The following CXADR variants were observed in gnomAD, a reference collection of about 807,000 sequenced individuals.
The protein encoded by CXADR is coxsackievirus and adenovirus receptor.
CXADR carries 20 observed loss-of-function variants against 40.3 expected under a neutral mutation model. That is an observed-to-expected ratio of 0.50 (90% confidence interval 0.35 to 0.72). The LOEUF is 0.72. CXADR is among the 30% of genes least tolerant of loss of function. The pLI is 0.01. For synonymous variants in CXADR, 150 were observed against 161.3 expected, an observed-to-expected ratio of 0.93 and a Z score of 0.53; for missense variants, 332 against 449.1, an observed-to-expected ratio of 0.74 and a Z score of 2.36.
chr21:17,517,276 C>G (rs1247960830), intron 1 of CXADR, among the ~76,000 whole-genome samples: 2 of 152,164 alleles, frequency 1.3e-5, no homozygotes, highest in East Asian at 1.9e-4. Context: ...AACTTACCTC[C>G]AAGTCCTCTT....
intron 7 of CXADR, among the ~76,000 whole-genome samples, chr21:17,585,955 A>G (rs1443851878): frequency 2.0e-5 from 3 of 152,250 alleles, no homozygotes; most frequent in African/African-American, 2.4e-5. Context: ...ATGTAGACCC[A>G]TAGGAAAAGA....
At chr21:17,556,972 C>T (rs1380188264) in intron 3 of CXADR, among the ~76,000 whole-genome samples, 2 of 152,094 alleles carry the variant, frequency 1.3e-5, no homozygotes, top group African/African-American at 4.8e-5. Context: ...CCATATGATC[C>T]AGCAGTTACT....
chr21:17,537,063 T>C (rs1343176894), intron 1 of CXADR, among the ~76,000 whole-genome samples: 1 of 152,170 alleles, frequency 6.6e-6, no homozygotes, highest in African/African-American at 2.4e-5. Flanking sequence ...CAACCTAAAA[T>C]GTATTTTGAT....
the CXADR span, among the ~76,000 whole-genome samples, chr21:17,611,488 T>C: frequency 3.9e-5 from 6 of 152,272 alleles, no homozygotes; most frequent in African/African-American, 1.2e-4. Flanking sequence ...TTTTCCCCGT[T>C]TGAAGAAATG....
At chr21:17,539,319 TC>T (rs1328625020) in intron 1 of CXADR, among the ~76,000 whole-genome samples, 3 of 152,206 alleles carry the variant, frequency 2.0e-5, no homozygotes, top group Non-Finnish European at 4.4e-5. Context: ...TTAGAAGTCT[TC>T]CAGCCCAGCT....
chr21:17,606,286 TC>T, the CXADR span, among the ~76,000 whole-genome samples: 2 of 152,088 alleles, frequency 1.3e-5, no homozygotes, highest in African/African-American at 4.8e-5. Context: ...AAGTGATGGA[TC>T]TAGGGTTCAA....
intron 1 of CXADR, among the ~76,000 whole-genome samples, chr21:17,525,967 A>G (rs2094622421): frequency 1.3e-5 from 2 of 152,260 alleles, no homozygotes; most frequent in Admixed American, 6.5e-5. Flanking sequence ...AAATGAAACA[A>G]TATATTTTGT....
intron 2 of CXADR, among the ~76,000 whole-genome samples, chr21:17,551,135 C>CA (rs1253237170): frequency 1.3e-5 from 2 of 152,144 alleles, no homozygotes; most frequent in Admixed American, 1.3e-4. Flanking sequence ...CATGGTGACT[C>CA]ACACCTATAA....
At chr21:17,610,846 C>T in the CXADR span, among the ~76,000 whole-genome samples, 2 of 152,218 alleles carry the variant, frequency 1.3e-5, no homozygotes, top group African/African-American at 2.4e-5. Context: ...TCTCAAACTG[C>T]TCTTTCAGTC....
intron 1 of CXADR, among the ~76,000 whole-genome samples, chr21:17,533,479 C>G (rs1479140087): frequency 6.6e-6 from 1 of 152,162 alleles, no homozygotes; most frequent in Non-Finnish European, 1.5e-5. Context: ...CTTCTACATA[C>G]AGAGTGAGTG....
intron 2 of CXADR, among the ~76,000 whole-genome samples, chr21:17,548,481 C>CCCCTTCTCT (rs1343237775): frequency 1.3e-5 from 2 of 152,178 alleles, no homozygotes; most frequent in Non-Finnish European, 2.9e-5. Context: ...CTCTTACCTC[C>CCCCTTCTCT]CCCTTCTCTC....
At chr21:17,571,486 G>T (rs2061276972), downstream of CXADR, among the ~76,000 whole-genome samples, 1 of 152,094 alleles carries the variant, frequency 6.6e-6, no homozygotes, top group African/African-American at 2.4e-5. Flanking sequence ...TCATATTTCT[G>T]CTTAACAAAT....
Position 17,565,460 on chromosome 21 carries a change from C to A in CXADR, c.866C>A (p.Ser289Tyr), listed in dbSNP as rs777324782. The A allele has an allele frequency of 1.6e-5, 26 of 1,613,818 alleles. No homozygotes were observed. The highest frequency in any genetic ancestry group is 2.2e-5 in the Non-Finnish European group (26 of 1,179,864). Reference protein sequence around the residue: ...EDVPPPKSRTSTARSYIGSNH... With the variant: ...EDVPPPKSRTYTARSYIGSNH... ...GTGCCACCTCCAAAGAGCCGTACGT[C>A]CACTGCCAGAAGCTACATCGGCAGT... is the stretch of plus-strand genomic sequence containing the variant. The change falls in exon 7 of 7, where the codon TCC becomes TAC. Residue 289 changes from serine (S) to tyrosine (Y), a missense_variant. Coordinates refer to ENST00000284878, the MANE Select transcript of CXADR (RefSeq NM_001338.5).
chr21:17,522,977 T>TTA (rs777213238), intron 1 of CXADR, among the ~76,000 whole-genome samples: 14 of 152,220 alleles, frequency 9.2e-5, no homozygotes, highest in Non-Finnish European at 1.5e-4. Context: ...AATATCTTAC[T>TTA]TGGCCTTTCC....
the CXADR span, among the ~76,000 whole-genome samples, chr21:17,601,453 G>T: frequency 2.0e-5 from 3 of 152,180 alleles, no homozygotes; most frequent in South Asian, 6.2e-4. Flanking sequence ...GAGCCCAGGA[G>T]TTCACAATTA....
intron 7 of CXADR, among the ~76,000 whole-genome samples, chr21:17,585,998 C>A (rs2824376): frequency 0.57 from 85,964 of 152,058 alleles, 26,623 homozygotes; most frequent in African/African-American, 0.83. Flanking sequence ...AACACTTTTC[C>A]TGTAGAAGCT....
the CXADR span, chr21:17,608,873 A>T: frequency 3.4e-6 from 4 of 1,177,752 alleles, no homozygotes; most frequent in African/African-American, 6.2e-5. Flanking sequence ...TTTGCAGATG[A>T]AACACCTGTA....
chr21:17,563,397 A>G (rs981567422), intron 6 of CXADR, among the ~76,000 whole-genome samples: 1 of 151,718 alleles, frequency 6.6e-6, no homozygotes, highest in Non-Finnish European at 1.5e-5. Flanking sequence ...GTCTCAGGGA[A>G]TAGGGAGGCC....
chr21:17,628,186 T>A, the CXADR span, among the ~76,000 whole-genome samples: 4 of 152,188 alleles, frequency 2.6e-5, no homozygotes, highest in African/African-American at 9.6e-5. Context: ...TAGAAATGCA[T>A]AAGATATGGT....
Sources: allele counts gnomAD v4.1 joint callset (sites outside exome capture counted in the v4.1 genomes callset), GRCh38; gene constraint gnomAD v4.1.1; transcripts MANE v1.5; gene names NCBI Gene and HGNC (gene_info 2026-07-23, HGNC 2026-07-21).